IGF1: variants seen among roughly 807,000 people sequenced by gnomAD.
IGF1 encodes the protein insulin like growth factor 1.
In IGF1, 4 loss-of-function variants were observed where a neutral mutation model predicts 13.8. The observed-to-expected ratio is 0.29, with a 90% CI of 0.14 to 0.66. The LOEUF (loss-of-function observed/expected upper bound fraction) is 0.66. IGF1 is among the 30% of genes least tolerant of loss of function. The pLI is 0.78. For synonymous variants in IGF1, 76 were observed against 72.6 expected (o/e 1.05, Z -0.23); for missense variants, 124 against 188.5 (o/e 0.66, Z 2.00).
intron 3 of IGF1, among the ~76,000 whole-genome samples, chr12:102,404,821 G>A (rs537999485): frequency 2.7e-5 from 4 of 149,864 alleles, no homozygotes; most frequent in Admixed American, 1.3e-4. Context: ...GCAGTGGCGC[G>A]TTCTCAGCTC....
chr12:102,464,741 C>CA (rs908206486), intron 2 of IGF1, among the ~76,000 whole-genome samples: 3 of 151,940 alleles, frequency 2.0e-5, no homozygotes, highest in African/African-American at 7.3e-5. Flanking sequence ...CATTCTCAAA[C>CA]AAAAAAATTT....
At chr12:102,433,115 C>T (rs1010463948) in intron 2 of IGF1, among the ~76,000 whole-genome samples, 2 of 152,142 alleles carry the variant, frequency 1.3e-5, no homozygotes, top group Non-Finnish European at 1.5e-5. Context: ...TCTGGTGTCT[C>T]TCCACCTTTG....
At chr12:102,444,189 AG>A (rs1401933470) in intron 2 of IGF1, among the ~76,000 whole-genome samples, 1 of 151,640 alleles carries the variant, frequency 6.6e-6, no homozygotes, top group African/African-American at 2.4e-5. Flanking sequence ...GTCAAGAGGG[AG>A]GGGGCAGAGT....
chr12:102,449,595 C>T (rs1170142131), intron 2 of IGF1, among the ~76,000 whole-genome samples: 1 of 149,944 alleles, frequency 6.7e-6, no homozygotes, highest in African/African-American at 2.4e-5. Context: ...GTTTGCAGAA[C>T]AGGAAGGCAG....
chr12:102,401,155 A>C lies in IGF1; in HGVS notation c.*1352T>G, dbSNP rs1382206709. 1 of 152,190 alleles carries C rather than the reference A, an allele frequency of 6.6e-6. No homozygotes were observed. The highest frequency in any genetic ancestry group is 2.4e-5 in the African/African-American group (1 of 41,428). The allele number at this position is 152,190 out of a possible 1,614,324, so 9.4% of individuals were successfully genotyped here. On this transcript the variant is annotated 3_prime_UTR_variant, in exon 4 of 4. Transcript: ENST00000337514. Reference sequence around the variant, plus strand: ...AGCAACCCAGGGTAAAAAAAATCTGAATCTTTATCTTTTTAAACCTTATAC... The same window carrying C: ...AGCAACCCAGGGTAAAAAAAATCTGCATCTTTATCTTTTTAAACCTTATAC...
intron 2 of IGF1, among the ~76,000 whole-genome samples, chr12:102,451,522 T>C (rs1341971260): frequency 6.6e-6 from 1 of 152,126 alleles, no homozygotes; most frequent in African/African-American, 2.4e-5. Context: ...TAACAATGCA[T>C]GCTGTAGATG....
chr12:102,433,084 G>C (rs549250147), intron 2 of IGF1, among the ~76,000 whole-genome samples: 1 of 152,194 alleles, frequency 6.6e-6, no homozygotes, highest in South Asian at 2.1e-4. Context: ...GTCCTCTCTG[G>C]AGAACCTGGC....
Position 102,475,895 on chromosome 12 carries a change from A to G in IGF1, c.64-96T>C, listed in dbSNP as rs1880997667. 4 of 1,279,788 alleles carry G rather than the reference A, an allele frequency of 3.1e-6. No homozygotes were observed. The Admixed American group carries it at 5.9e-5, about 19-fold the overall frequency. 79.3% of individuals were successfully genotyped at this position (1,279,788 alleles called of 1,614,324 possible). A position where few individuals can be genotyped will look rare whatever the true frequency, so the allele number is the denominator to read the frequency against. On this transcript the variant is annotated intron_variant, in intron 1 of 3. Coordinates refer to ENST00000337514, the MANE Select transcript of IGF1 (RefSeq NM_000618.5). The stretch of plus-strand genomic sequence containing the variant: ...GTGCATTGACTCCCACGATTCCACG[A>G]CTGTCATTAATCAGGACTACCCAGC...
chr12:102,457,136 C>G (rs1175645219), intron 2 of IGF1, among the ~76,000 whole-genome samples: 1 of 152,156 alleles, frequency 6.6e-6, no homozygotes, highest in African/African-American at 2.4e-5. Context: ...ATTCAGAACT[C>G]TTTTTGATAT....
intron 2 of IGF1, among the ~76,000 whole-genome samples, chr12:102,457,442 A>G (rs1879509656): frequency 6.6e-6 from 1 of 152,048 alleles, no homozygotes; most frequent in South Asian, 2.1e-4. Context: ...TGGCAGCTCT[A>G]CAAAAGGAGG....
chr12:102,413,559 A>G (rs1447838089), intron 3 of IGF1, among the ~76,000 whole-genome samples: 1 of 152,128 alleles, frequency 6.6e-6, no homozygotes, highest in Admixed American at 6.5e-5. Context: ...TTTTCAAGAG[A>G]TGTTTGAAAA....
intron 2 of IGF1, among the ~76,000 whole-genome samples, chr12:102,446,913 G>A (rs906113177): frequency 7.2e-5 from 11 of 152,040 alleles, no homozygotes; most frequent in Non-Finnish European, 1.6e-4. Context: ...AGAGATTCTG[G>A]TACATTTTGT....
rs1877416592 is a variant in IGF1 at position 102,438,299 on chromosome 12, GGA to G, written c.221-18611_221-18610del. 2.0e-5 allele frequency among the ~76,000 whole-genome samples: 3 copies of G among 152,232 alleles called. No individual in the cohort carries two copies. The South Asian group carries it at 6.2e-4, about 32-fold the overall frequency. ...CCTGCACATTGGCTGCTGGTGATTT[GGA>G]ATCACATCCCAAATGCCAAATCCTA... On this transcript the variant is annotated intron_variant, in intron 2 of 3. Coordinates refer to ENST00000337514, the MANE Select transcript of IGF1 (RefSeq NM_000618.5).
chr12:102,462,248 A>T (rs996694295), intron 2 of IGF1, among the ~76,000 whole-genome samples: 12 of 152,188 alleles, frequency 7.9e-5, no homozygotes, highest in African/African-American at 2.4e-4. Context: ...GCCACAAAAC[A>T]CTTTCCCTAG....
chr12:102,452,156 G>T (rs767311968), intron 2 of IGF1, among the ~76,000 whole-genome samples: 39 of 150,732 alleles, frequency 2.6e-4, no homozygotes, highest in Admixed American at 7.9e-4. Context: ...CAGCTACTCG[G>T]GAGGCTGAGG....
intron 2 of IGF1, among the ~76,000 whole-genome samples, chr12:102,424,580 G>A (rs183068766): frequency 3.3e-5 from 5 of 152,150 alleles, no homozygotes; most frequent in Admixed American, 6.6e-5. Flanking sequence ...AATTCATTTG[G>A]TTTGCATTAT....
intron 2 of IGF1, among the ~76,000 whole-genome samples, chr12:102,439,718 GA>G (rs5800511): frequency 5.2e-4 from 72 of 138,544 alleles, no homozygotes; most frequent in Middle Eastern, 3.8e-3. Flanking sequence ...CTAGGAGAAG[GA>G]AAAAAAAAAA....
At position 102,397,059 on chromosome 12, in the gene IGF1, G is replaced by A. The variant is rs921553898; in HGVS notation, c.*5448C>T. The A allele has an allele frequency of 1.3e-4, 47 of 365,668 alleles. No homozygotes were observed. The highest frequency in any genetic ancestry group is 8.6e-4 in the African/African-American group (41 of 47,814). The allele number at this position is 365,668 out of a possible 1,614,324, so 22.7% of individuals were successfully genotyped here. ...CTATTAAAAATCCAAAAAATTAGCCGGGCATAGTGGTGGGTGCCTGTAATC... is the reference window on the plus strand; with the variant it reads ...CTATTAAAAATCCAAAAAATTAGCCAGGCATAGTGGTGGGTGCCTGTAATC... On this transcript the variant is annotated 3_prime_UTR_variant, in exon 4 of 4. Coordinates refer to ENST00000337514, the MANE Select transcript of IGF1 (RefSeq NM_000618.5).
At chr12:102,441,924 T>TCTTCTTCTTCTTCTTCTC (rs1877813554) in intron 2 of IGF1, among the ~76,000 whole-genome samples, 2 of 125,508 alleles carry the variant, frequency 1.6e-5, no homozygotes, top group Admixed American at 9.2e-5. Context: ...TCCTTCTTCT[T>TCTTCTTCTTCTTCTTCTC]CTTCTTCTTC....
Sources: allele counts gnomAD v4.1 joint callset (sites outside exome capture counted in the v4.1 genomes callset), GRCh38; gene constraint gnomAD v4.1.1; transcripts MANE v1.5; gene names NCBI Gene and HGNC (gene_info 2026-07-23, HGNC 2026-07-21).